Variants in AGT observed in about 807,000 individuals in gnomAD.
AGT encodes the protein angiotensinogen, also known as alpha-1 antiproteinase, antitrypsin.
In AGT, 26 loss-of-function variants were observed where a neutral mutation model predicts 28.1. The ratio of observed to expected loss-of-function variants is 0.92; its 90% CI spans 0.68 to 1.28. AGT has a LOEUF of 1.28. Among genes scored for constraint, AGT ranks in the 50% most tolerant of loss-of-function variants. AGT has a pLI of 0.00. For synonymous variants in AGT, 259 were observed against 259.6 expected (o/e 1.00, Z 0.02); for missense variants, 596 against 592.3 (o/e 1.01, Z -0.06).
At chr1:230,730,628 T>C (rs1231406826) in intron 1 of AGT, among the ~76,000 whole-genome samples, 3 of 152,218 alleles carry the variant, frequency 2.0e-5, no homozygotes, top group Non-Finnish European at 4.4e-5. Context: ...GTGAGCTTCC[T>C]TTCTGTCTTG....
Position 230,710,031 on chromosome 1 carries a change from TG to T in AGT, c.792del (p.Asp264GlufsTer16). 1 of 1,614,076 alleles carries T rather than the reference TG, an allele frequency of 6.2e-7. No homozygotes were observed. Among genetic ancestry groups the T allele is most frequent in the Non-Finnish European group, 8.5e-7 (1 of 1,179,984 alleles). On this transcript the variant is annotated frameshift_variant, in exon 2 of 5. Coordinates refer to ENST00000366667, the MANE Select transcript of AGT (RefSeq NM_001384479.1). LOFTEE classifies it high-confidence loss of function. The stretch of plus-strand genomic sequence containing the variant: ...ACGTAGGTGTTGAAAGCCAGGGTGC[TG>T]TCCACACTGGCTCCCATCAGGGAGC... ...TGCSLMGASV[D>X]STLAFNTYVH...
intron 1 of AGT, among the ~76,000 whole-genome samples, chr1:230,734,877 C>CT (rs113084447): frequency 1.4e-4 from 21 of 149,322 alleles, no homozygotes; most frequent in East Asian, 5.9e-4. Flanking sequence ...GCCTGGCTAA[C>CT]TTTTTTTTTT....
At chr1:230,704,429 C>T (rs547261300) in intron 3 of AGT, 92 bp from the exon 4 acceptor site, 6 of 1,499,728 alleles carry the variant, frequency 4.0e-6, no homozygotes, top group Non-Finnish European at 5.5e-6. Context: ...TGCACCCAAC[C>T]CTGACGACAG....
At chr1:230,707,564 G>A (rs997655404) in intron 2 of AGT, among the ~76,000 whole-genome samples, 4 of 152,110 alleles carry the variant, frequency 2.6e-5, no homozygotes, top group Non-Finnish European at 4.4e-5. Context: ...CATATTTCTC[G>A]TCCTCAGTCC....
chr1:230,713,309 T>A (rs1199350453), intron 1 of AGT, among the ~76,000 whole-genome samples: 1 of 152,124 alleles, frequency 6.6e-6, no homozygotes, highest in Admixed American at 6.5e-5. Context: ...AGTTAATGAA[T>A]TGGTTCATGC....
At chr1:230,706,603 T>TA (rs1663393886) in intron 2 of AGT, among the ~76,000 whole-genome samples, 1 of 152,216 alleles carries the variant, frequency 6.6e-6, no homozygotes, top group African/African-American at 2.4e-5. Flanking sequence ...TGTTATTTTT[T>TA]AGAGTGACTT....
chr1:230,709,821 G>A (rs1286851129), intron 2 of AGT, among the ~76,000 whole-genome samples, 174 bp downstream of exon 2: 1 of 152,238 alleles, frequency 6.6e-6, no homozygotes, highest in African/African-American at 2.4e-5. Context: ...TCCAGGAGGT[G>A]GACGGCCCAT....
At chr1:230,721,358 G>A (rs1344721799) in intron 1 of AGT, among the ~76,000 whole-genome samples, 1 of 152,172 alleles carries the variant, frequency 6.6e-6, no homozygotes, top group East Asian at 1.9e-4. Flanking sequence ...GAAAACACCT[G>A]GGTTTTTGCT....
chr1:230,728,252 T>C (rs1395554128), intron 1 of AGT, among the ~76,000 whole-genome samples: 2 of 152,148 alleles, frequency 1.3e-5, no homozygotes, highest in Non-Finnish European at 2.9e-5. Flanking sequence ...ATTGAGAAAG[T>C]TGCAAATTTC....
intron 1 of AGT, among the ~76,000 whole-genome samples, chr1:230,725,088 T>C (rs1422962675): frequency 2.0e-5 from 3 of 152,122 alleles, no homozygotes; most frequent in African/African-American, 7.2e-5. Flanking sequence ...GAAATAAAAA[T>C]AGAAAATGTT....
In AGT at chr1:230,723,531, T is replaced by G. The variant is rs555414130; in HGVS notation, c.-30-12678A>C. Among the ~76,000 whole-genome samples, 3 of 152,292 alleles carry G rather than the reference T, an allele frequency of 2.0e-5. No individual in the cohort carries two copies. The South Asian group carries it at 6.2e-4, about 32-fold the overall frequency. ...TTTGTTTTTAGGGGAGTCATCAAAGTGTAGAGTATAATATTTTCCTAAGGC... is the reference window on the plus strand; with the variant it reads ...TTTGTTTTTAGGGGAGTCATCAAAGGGTAGAGTATAATATTTTCCTAAGGC... On this transcript the variant is annotated intron_variant, in intron 1 of 4. Coordinates refer to the AGT transcript ENST00000681269.
chr1:230,721,314 G>A (rs1663838920), intron 1 of AGT, among the ~76,000 whole-genome samples: 1 of 152,206 alleles, frequency 6.6e-6, no homozygotes, highest in Non-Finnish European at 1.5e-5. Flanking sequence ...GGCAACAAGT[G>A]TAAGGACCAA....
At chr1:230,716,366 T>A (rs557314499), upstream of AGT, among the ~76,000 whole-genome samples, 1 of 152,320 alleles carries the variant, frequency 6.6e-6, no homozygotes, top group South Asian at 2.1e-4. Context: ...GTACATTCCA[T>A]CAGTGGAAGT....
chr1:230,734,878 T>A (rs1664127503), intron 1 of AGT, among the ~76,000 whole-genome samples: 1 of 148,010 alleles, frequency 6.8e-6, no homozygotes, highest in Non-Finnish European at 1.5e-5. Flanking sequence ...CCTGGCTAAC[T>A]TTTTTTTTTG....
chr1:230,740,647 A>T (rs1380004767), intron 1 of AGT, among the ~76,000 whole-genome samples: 1 of 151,938 alleles, frequency 6.6e-6, no homozygotes, highest in Non-Finnish European at 1.5e-5. Context: ...AAGAGATAAT[A>T]TTTTTTTTAA....
intron 1 of AGT, among the ~76,000 whole-genome samples, chr1:230,732,077 A>C (rs1664079825): frequency 6.6e-6 from 1 of 152,014 alleles, no homozygotes; most frequent in East Asian, 1.9e-4. Context: ...CACCACCCCT[A>C]TCTTCTCTAT....
chr1:230,722,986 C>A (rs575226294), intron 1 of AGT, among the ~76,000 whole-genome samples: 1 of 152,242 alleles, frequency 6.6e-6, no homozygotes, highest in South Asian at 2.1e-4. Context: ...ACCCAAATTT[C>A]ATCTCGAATT....
chr1:230,708,468 G>T (rs1367123700), intron 2 of AGT, among the ~76,000 whole-genome samples: 2 of 152,130 alleles, frequency 1.3e-5, no homozygotes, highest in Admixed American at 1.3e-4. Flanking sequence ...CCTCGGGCTG[G>T]CCTCTGCCCC....
At chr1:230,709,089 G>A (rs1394487084) in intron 2 of AGT, among the ~76,000 whole-genome samples, 5 of 152,146 alleles carry the variant, frequency 3.3e-5, no homozygotes, top group Admixed American at 6.5e-5. Flanking sequence ...TGAGAGCCCC[G>A]AGGCTTCCCT....
Sources: allele counts gnomAD v4.1 joint callset (sites outside exome capture counted in the v4.1 genomes callset), GRCh38; gene constraint gnomAD v4.1.1; transcripts MANE v1.5; gene names NCBI Gene and HGNC (gene_info 2026-07-23, HGNC 2026-07-21).